KCNJ6: variants seen among roughly 807,000 people sequenced by gnomAD.
KCNJ6 encodes the protein G protein-activated inward rectifier potassium channel 2.
In KCNJ6, 9 loss-of-function variants were observed where a neutral mutation model predicts 34.2. That is an observed-to-expected ratio of 0.26 (90% CI 0.16 to 0.46). The LOEUF (loss-of-function observed/expected upper bound fraction) is 0.46, where lower values mean the gene tolerates loss of function less well. Among genes scored for constraint, KCNJ6 ranks in the 20% least tolerant of loss-of-function variants. The probability of loss-of-function intolerance (pLI) is 1.00; values close to 1 mark genes in which losing one functional copy is unlikely to be tolerated. For missense variants in KCNJ6, 236 were observed against 531.3 expected (o/e 0.44, Z 5.46); for synonymous variants, 196 against 207.1 (o/e 0.95, Z 0.46).
intron 3 of KCNJ6, among the ~76,000 whole-genome samples, chr21:37,667,172 A>AAAAAAAAAAAAAAAAAAAAAT (rs2054518258): frequency 8.2e-6 from 1 of 121,402 alleles, no homozygotes; most frequent in Non-Finnish European, 1.9e-5. Flanking sequence ...AAAAAAAAAA[A>AAAAAAAAAAAAAAAAAAAAAT]AAAAAAAAAA....
chr21:37,684,388 G>A (rs888220558), intron 3 of KCNJ6, among the ~76,000 whole-genome samples: 4 of 151,622 alleles, frequency 2.6e-5, no homozygotes, highest in East Asian at 1.9e-4. Flanking sequence ...ATCGGACTAT[G>A]GTCTGCTCTT....
intron 2 of KCNJ6, among the ~76,000 whole-genome samples, chr21:37,745,621 T>G (rs942610081): frequency 3.9e-5 from 6 of 152,220 alleles, no homozygotes; most frequent in African/African-American, 9.6e-5. Flanking sequence ...AATGCATTTG[T>G]GATATTAGTC....
chr21:37,840,502 A>G (rs1464941383), intron 2 of KCNJ6, among the ~76,000 whole-genome samples, 156 bp downstream of exon 2: 1 of 152,252 alleles, frequency 6.6e-6, no homozygotes, highest in Non-Finnish European at 1.5e-5. Context: ...CGCATAAAGT[A>G]ACATCAACAT....
chr21:37,906,546 G>A (rs1414974028), intron 1 of KCNJ6, among the ~76,000 whole-genome samples: 2 of 152,204 alleles, frequency 1.3e-5, no homozygotes, highest in African/African-American at 2.4e-5. Flanking sequence ...AGTAGATCGG[G>A]GGGTGAGCTT....
rs1337766219 is a variant in KCNJ6 at position 37,617,042 on chromosome 21, TTC to T, written c.*8115_*8116del. ...TTTCTTTCTTTCTTTCTTTCTTTCT[TTC>T]TTTCTTTCTTTTCTTTTCTTTTCTT... On this transcript the variant is annotated 3_prime_UTR_variant, in exon 4 of 4. Coordinates refer to ENST00000609713, the MANE Select transcript of KCNJ6 (RefSeq NM_002240.5). 1.5e-4 allele frequency: 1 copy of T among 6,472 alleles called. No homozygotes were observed. Among genetic ancestry groups the T allele is most frequent in the East Asian group, 3.8e-3 (1 of 260 alleles). 0.4% of individuals were successfully genotyped at this position (6,472 alleles called of 1,614,324 possible). A position where few individuals can be genotyped will look rare whatever the true frequency, so the allele number is the denominator to read the frequency against.
rs140074336 is a variant in KCNJ6 at position 37,837,760 on chromosome 21, C to T, written c.25+2898G>A. On this transcript the variant is annotated intron_variant, in intron 2 of 3. Transcript: ENST00000609713. The stretch of plus-strand genomic sequence containing the variant: ...GTGTGGCCATGGTTTATGTTCCCAT[C>T]AATTTTATTGTGTGGTAATTATATG... Among the ~76,000 whole-genome samples, 738 of 150,472 alleles carry T rather than the reference C, an allele frequency of 4.9e-3. 3 individuals carry two copies. The highest frequency in any genetic ancestry group is 0.017 in the African/African-American group (703 of 40,930).
At position 37,616,048 on chromosome 21, in the gene KCNJ6, T is replaced by G. The variant is rs1381615739; in HGVS notation, c.*9111A>C. The G allele has an allele frequency of 3.9e-5, 6 of 152,158 alleles. No individual in the cohort carries two copies. Among genetic ancestry groups the G allele is most frequent in the African/African-American group, 1.4e-4 (6 of 41,422 alleles). 9.4% of individuals were successfully genotyped at this position (152,158 alleles called of 1,614,324 possible). On this transcript the variant is annotated 3_prime_UTR_variant, in exon 4 of 4. Coordinates refer to ENST00000609713, the MANE Select transcript of KCNJ6 (RefSeq NM_002240.5). ...TGCTGGGTCCTACTCCACATTACCTTGGGTTCTCCCAAGGCTGTCTGCAGG... is the reference window on the plus strand; with the variant it reads ...TGCTGGGTCCTACTCCACATTACCTGGGGTTCTCCCAAGGCTGTCTGCAGG...
chr21:37,791,278 G>A (rs2055215557), intron 2 of KCNJ6, among the ~76,000 whole-genome samples: 2 of 152,226 alleles, frequency 1.3e-5, no homozygotes, highest in South Asian at 4.1e-4. Flanking sequence ...GTAAAAAGAA[G>A]AAAAATGATA....
intron 2 of KCNJ6, among the ~76,000 whole-genome samples, chr21:37,779,810 G>C (rs867684375): frequency 6.6e-6 from 1 of 152,342 alleles, no homozygotes; most frequent in South Asian, 2.1e-4. Context: ...TCACAAGTGA[G>C]GTTGTATGTA....
At chr21:37,711,347 C>T (rs1010801912) in intron 3 of KCNJ6, among the ~76,000 whole-genome samples, 2 of 152,200 alleles carry the variant, frequency 1.3e-5, no homozygotes, top group Admixed American at 6.5e-5. Flanking sequence ...GAGGGCACCG[C>T]GTGAAGGTGG....
chr21:37,673,177 G>A (rs1337657193), intron 3 of KCNJ6, among the ~76,000 whole-genome samples: 1 of 152,260 alleles, frequency 6.6e-6, no homozygotes, highest in East Asian at 1.9e-4. Context: ...GAGGAGTGGT[G>A]GAAATGGAGC....
chr21:37,844,393 C>T (rs1196654947), intron 1 of KCNJ6, among the ~76,000 whole-genome samples: 1 of 152,034 alleles, frequency 6.6e-6, no homozygotes, highest in African/African-American at 2.4e-5. Context: ...TCCCTCGCTG[C>T]ACTCTACTTA....
At chr21:37,650,465 C>T (rs532903031) in intron 3 of KCNJ6, among the ~76,000 whole-genome samples, 56 of 152,198 alleles carry the variant, frequency 3.7e-4, no homozygotes, top group Non-Finnish European at 7.3e-4. Flanking sequence ...TTATAACTGC[C>T]TCGCTGTGGG....
At chr21:37,698,323 C>T (rs2054673086) in intron 3 of KCNJ6, among the ~76,000 whole-genome samples, 2 of 152,206 alleles carry the variant, frequency 1.3e-5, no homozygotes, top group South Asian at 2.1e-4. Context: ...CCCTGCTTCT[C>T]CAGGCGGGGG....
intron 2 of KCNJ6, among the ~76,000 whole-genome samples, chr21:37,787,696 C>T (rs1047158470): frequency 6.6e-6 from 1 of 152,120 alleles, no homozygotes; most frequent in South Asian, 2.1e-4. Flanking sequence ...CTGACTAATG[C>T]CATGGGAATC....
At chr21:37,897,909 G>A (rs192913454) in intron 1 of KCNJ6, among the ~76,000 whole-genome samples, 34 of 152,320 alleles carry the variant, frequency 2.2e-4, no homozygotes, top group Middle Eastern at 3.4e-3. Flanking sequence ...TATTTGCTAC[G>A]GGAGTAAAAA....
At chr21:37,739,694 A>G (rs552470028) in intron 2 of KCNJ6, among the ~76,000 whole-genome samples, 19 of 152,132 alleles carry the variant, frequency 1.2e-4, no homozygotes, top group Admixed American at 9.8e-4. Context: ...TAATAACCCA[A>G]TTTGTGCCTG....
intron 2 of KCNJ6, among the ~76,000 whole-genome samples, chr21:37,755,304 GA>G (rs142989045): frequency 2.6e-5 from 4 of 151,816 alleles, no homozygotes; most frequent in Non-Finnish European, 4.4e-5. Context: ...GAAAAAAAAA[GA>G]AAAAAACAAC....
chr21:37,684,926 T>A (rs911980932), intron 3 of KCNJ6, among the ~76,000 whole-genome samples: 1 of 152,166 alleles, frequency 6.6e-6, no homozygotes, highest in African/African-American at 2.4e-5. Flanking sequence ...AAGAAACATG[T>A]CAATAACTTT....
Sources: allele counts gnomAD v4.1 joint callset (sites outside exome capture counted in the v4.1 genomes callset), GRCh38; gene constraint gnomAD v4.1.1; transcripts MANE v1.5; gene names NCBI Gene and HGNC (gene_info 2026-07-23, HGNC 2026-07-21).